Variants in ZPLD1 observed in about 807,000 individuals in gnomAD.
ZPLD1 encodes zona pellucida like domain containing 1, also known as zona pellucida-like domain-containing protein 1.
A neutral mutation model predicts 47.2 loss-of-function variants in ZPLD1; 34 were observed. The ratio of observed to expected loss-of-function variants is 0.72; its 90% CI spans 0.55 to 0.96. The LOEUF is 0.96. ZPLD1 is among the 40% of genes least tolerant of loss of function. The probability of loss-of-function intolerance (pLI) is 0.00; values close to 1 mark genes in which losing one functional copy is unlikely to be tolerated. For missense variants in ZPLD1, 512 were observed against 505.8 expected (o/e 1.01, Z -0.12); for synonymous variants, 176 against 186.2 (o/e 0.95, Z 0.45).
chr3:102,447,153 C>T (rs1302987545), intron 3 of ZPLD1, among the ~76,000 whole-genome samples: 1 of 152,094 alleles, frequency 6.6e-6, no homozygotes, highest in East Asian at 1.9e-4. Context: ...GCAACCTCTG[C>T]CTCCTGGGTT....
At chr3:102,472,633 C>T (rs1347906900) in intron 10 of ZPLD1, among the ~76,000 whole-genome samples, 1 of 151,728 alleles carries the variant, frequency 6.6e-6, no homozygotes, top group East Asian at 1.9e-4. Flanking sequence ...TGAATGGAAA[C>T]TCAGTTCTTG....
At position 102,417,467 on chromosome 3, in the gene ZPLD1, G is replaced by A. The variant is rs139205301; in HGVS notation, c.-156-593G>A. On this transcript the variant is annotated intron_variant, in intron 7 of 17. Transcript: ENST00000491959. ...TAGATGACTTCCAAATTGGGTCCCAGGCTCCAAAGGCTGGTGGAGGTGGGA... is the reference window on the plus strand; with the variant it reads ...TAGATGACTTCCAAATTGGGTCCCAAGCTCCAAAGGCTGGTGGAGGTGGGA... 5.3e-5 allele frequency among the ~76,000 whole-genome samples: 8 copies of A among 151,994 alleles called. No homozygotes were observed. In the East Asian group the frequency reaches 1.6e-3, roughly 30 times the overall value.
At chr3:102,387,847 A>ATTATTT (rs1706447642) in intron 6 of ZPLD1, among the ~76,000 whole-genome samples, 1 of 124,860 alleles carries the variant, frequency 8.0e-6, no homozygotes, top group African/African-American at 3.0e-5. Flanking sequence ...GTTCTGAGAA[A>ATTATTT]TTCTTTTTTT....
At chr3:102,426,157 CAT>C (rs1706945087) in intron 8 of ZPLD1, among the ~76,000 whole-genome samples, 2 of 148,114 alleles carry the variant, frequency 1.4e-5, no homozygotes, top group South Asian at 2.1e-4. Flanking sequence ...CACACACACA[CAT>C]GCACACACAC....
chr3:102,457,893 G>A lies in ZPLD1; in HGVS notation c.582+40G>A, dbSNP rs1707444095. The stretch of plus-strand genomic sequence containing the variant: ...GAAGGATGTTATTTTCTCTTTCACT[G>A]TTGTGAGGAGTCATTTATGTGAATG... On this transcript the variant is annotated intron_variant, in intron 6 of 11. Coordinates refer to ENST00000466937, the MANE Select transcript of ZPLD1 (RefSeq NM_001329788.2). 3.8e-6 allele frequency: 6 copies of A among 1,586,332 alleles called. No individual in the cohort carries two copies. The African/African-American group carries it at 5.4e-5, about 14-fold the overall frequency.
intron 7 of ZPLD1, among the ~76,000 whole-genome samples, chr3:102,408,952 G>A (rs1706721566): frequency 6.6e-6 from 1 of 151,658 alleles, no homozygotes; most frequent in Non-Finnish European, 1.5e-5. Context: ...TTATTAACCA[G>A]ATATCTAGTA....
At chr3:102,403,154 A>C (rs1234638839) in intron 7 of ZPLD1, among the ~76,000 whole-genome samples, 3 of 151,944 alleles carry the variant, frequency 2.0e-5, no homozygotes, top group African/African-American at 7.2e-5. Context: ...TTCATTCTGT[A>C]ACCCTGCCTA....
At chr3:102,443,146 A>G (rs1707206863) in intron 3 of ZPLD1, among the ~76,000 whole-genome samples, 1 of 152,212 alleles carries the variant, frequency 6.6e-6, no homozygotes, top group African/African-American at 2.4e-5. Flanking sequence ...ACATCCAAAG[A>G]GGAAAATGGC....
intron 3 of ZPLD1, among the ~76,000 whole-genome samples, chr3:102,439,319 TG>T (rs1365438229): frequency 6.6e-6 from 1 of 152,230 alleles, no homozygotes; most frequent in Admixed American, 6.5e-5. Context: ...CCAGTCCTCC[TG>T]TGTTTGGAGC....
chr3:102,477,592 G>C lies in ZPLD1; in HGVS notation c.1222G>C (p.Gly408Arg), dbSNP rs756756992. ...GGGACCCACAAGTTTAGTGTTGAAT[G>C]GCATAAGAAACCCAGTCTTTGACTG... ...RKGPTSLVLN[G>R]IRNPVFD Residue 408 changes from glycine (G) to arginine (R), a missense_variant, in exon 12 of 12, where the codon GGC becomes CGC. Coordinates refer to ENST00000466937, the MANE Select transcript of ZPLD1 (RefSeq NM_001329788.2). The C allele has an allele frequency of 6.2e-7, 1 of 1,612,766 alleles. No homozygotes were observed. Among genetic ancestry groups the C allele is most frequent in the South Asian group, 1.1e-5 (1 of 90,904 alleles).
At chr3:102,443,121 T>C (rs1158535378) in intron 3 of ZPLD1, among the ~76,000 whole-genome samples, 1 of 152,214 alleles carries the variant, frequency 6.6e-6, no homozygotes, top group Non-Finnish European at 1.5e-5. Flanking sequence ...TAAAGAAATC[T>C]TTAATGATAA....
At chr3:102,467,954 TAAAAGA>T (rs1018840686) in intron 8 of ZPLD1, among the ~76,000 whole-genome samples, 6 of 151,282 alleles carry the variant, frequency 4.0e-5, no homozygotes, top group Non-Finnish European at 5.9e-5. Context: ...TCTTAATACA[TAAAAGA>T]ACTCATAAGA....
intron 4 of ZPLD1, among the ~76,000 whole-genome samples, chr3:102,454,558 G>A (rs529530812): frequency 7.2e-5 from 11 of 152,208 alleles, no homozygotes; most frequent in South Asian, 6.2e-4. Flanking sequence ...GAATAAGTCC[G>A]CTATAAAAAT....
At chr3:102,417,901 G>A (rs1342672827) in intron 7 of ZPLD1, among the ~76,000 whole-genome samples, 1 of 151,832 alleles carries the variant, frequency 6.6e-6, no homozygotes, top group Non-Finnish European at 1.5e-5. Context: ...AAGAGAAAGG[G>A]AATGAAATGA....
upstream of ZPLD1, among the ~76,000 whole-genome samples, chr3:102,433,216 C>T (rs909773450): frequency 6.6e-6 from 1 of 152,104 alleles, no homozygotes. Context: ...CAAGAAATTG[C>T]CAAATTTCCA....
intron 7 of ZPLD1, among the ~76,000 whole-genome samples, chr3:102,398,076 T>C (rs1298997632): frequency 6.6e-6 from 1 of 152,120 alleles, no homozygotes; most frequent in East Asian, 1.9e-4. Flanking sequence ...TACATATAGA[T>C]TCAGCAGTAG....
chr3:102,400,274 C>T (rs1016896296), intron 7 of ZPLD1, among the ~76,000 whole-genome samples: 2 of 152,108 alleles, frequency 1.3e-5, no homozygotes, highest in Middle Eastern at 3.4e-3. Flanking sequence ...GAATGATTTT[C>T]CTTGATGTGC....
intron 8 of ZPLD1, among the ~76,000 whole-genome samples, chr3:102,468,015 A>C (rs1194192740): frequency 6.6e-6 from 1 of 152,124 alleles, no homozygotes. Context: ...TGATCAAAAG[A>C]CACAAACCAT....
At chr3:102,471,589 A>C (rs1170822587) in intron 10 of ZPLD1, among the ~76,000 whole-genome samples, 1 of 152,200 alleles carries the variant, frequency 6.6e-6, no homozygotes. Flanking sequence ...AGGGATATAG[A>C]TTTTGTAGAT....
Sources: gnomAD v4.1 joint callset for allele counts (sites outside exome capture counted in the v4.1 genomes callset) on GRCh38, gnomAD v4.1.1 for gene constraint, MANE v1.5 for transcripts, NCBI Gene and HGNC (gene_info 2026-07-23, HGNC 2026-07-21) for gene names.